The following RPS6KA3 variants were observed in gnomAD, a reference collection of about 807,000 sequenced individuals.
The protein encoded by RPS6KA3 is ribosomal protein S6 kinase alpha-3.
A neutral mutation model predicts 67.2 loss-of-function variants in RPS6KA3; 4 were observed. That is an observed-to-expected ratio of 0.06 (90% CI 0.03 to 0.14). RPS6KA3 has a LOEUF of 0.14. Ranked by LOEUF, RPS6KA3 falls within the 10% of genes least tolerant of loss-of-function variation. The pLI is 1.00. For missense variants in RPS6KA3, 204 were observed against 559.0 expected, an observed-to-expected ratio of 0.36 and a Z score of 6.40; for synonymous variants, 182 against 183.7, an observed-to-expected ratio of 0.99 and a Z score of 0.07.
chrX:20,205,110 C>T (rs370355976), intron 3 of RPS6KA3, among the ~76,000 whole-genome samples: 2 of 112,126 alleles, frequency 1.8e-5, no homozygotes, highest in South Asian at 3.7e-4. Flanking sequence ...CAAATATTTG[C>T]GCAAAATGAA....
intron 3 of RPS6KA3, among the ~76,000 whole-genome samples, chrX:20,205,929 T>C (rs2068563667): frequency 8.9e-6 from 1 of 112,582 alleles, no homozygotes; most frequent in African/African-American, 3.2e-5. Context: ...GTGTCAATTT[T>C]GGGAGGCAGA....
Position 20,256,172 on chromosome X carries a change from C to CAAAAAAAAAAAAA in RPS6KA3, c.69+10379_69+10391dup, listed in dbSNP as rs35947983. Among the ~76,000 whole-genome samples, 117 of 14,442 alleles carry CAAAAAAAAAAAAA rather than the reference C, an allele frequency of 8.1e-3. 5 individuals are homozygous for CAAAAAAAAAAAAA. Among genetic ancestry groups the CAAAAAAAAAAAAA allele is most frequent in the African/African-American group, 0.013 (56 of 4,297 alleles). 12.5% of individuals were successfully genotyped at this position (14,442 alleles called of 115,157 possible). ...TGGGTGACAGAGTGAGACACCGTCT[C>CAAAAAAAAAAAAA]AAAAAAAAAAAAAAAAAAAAAAAAA... On this transcript the variant is annotated intron_variant, in intron 1 of 21. Transcript: ENST00000379565.
intron 2 of RPS6KA3, among the ~76,000 whole-genome samples, chrX:20,228,493 A>C (rs1393225961): frequency 9.0e-6 from 1 of 111,533 alleles, no homozygotes; most frequent in Non-Finnish European, 1.9e-5. Flanking sequence ...TTTCCAGCCC[A>C]GTGCCTTACC....
chrX:20,256,172 C>CAAAAAAAAAAAAAAAAAAAAAAA (rs35947983), intron 1 of RPS6KA3, among the ~76,000 whole-genome samples: 1 of 14,465 alleles, frequency 6.9e-5, no homozygotes, highest in Non-Finnish European at 1.2e-4. Flanking sequence ...GACACCGTCT[C>CAAAAAAAAAAAAAAAAAAAAAAA]AAAAAAAAAA....
intron 1 of RPS6KA3, among the ~76,000 whole-genome samples, chrX:20,261,670 GAC>G (rs1295496064): frequency 1.8e-5 from 2 of 112,090 alleles, no homozygotes; most frequent in African/African-American, 6.5e-5. Context: ...TACACACACA[GAC>G]ACACACACAT....
intron 4 of RPS6KA3, among the ~76,000 whole-genome samples, chrX:20,202,432 T>C (rs764716513): frequency 8.9e-6 from 1 of 111,881 alleles, no homozygotes; most frequent in African/African-American, 3.3e-5. Context: ...TCTATGCCTG[T>C]ATTACTCCCC....
chrX:20,244,333 A>C (rs1215056652), intron 1 of RPS6KA3, among the ~76,000 whole-genome samples: 1 of 112,026 alleles, frequency 8.9e-6, no homozygotes, highest in African/African-American at 3.2e-5. Flanking sequence ...TAAAGGCAGG[A>C]ATTACACAGG....
chrX:20,157,492 A>T lies in RPS6KA3; in HGVS notation c.1960-1243T>A, dbSNP rs1314504361. Reference sequence around the variant, plus strand: ...ACTCTAGTCTGGGCAACAGAGCGAGACCCTGTCTCAAAAAAAAAAAAAAAA... The same window carrying T: ...ACTCTAGTCTGGGCAACAGAGCGAGTCCCTGTCTCAAAAAAAAAAAAAAAA... On this transcript the variant is annotated intron_variant, in intron 20 of 21. Transcript: ENST00000379565. Among the ~76,000 whole-genome samples the T allele has an allele frequency of 3.3e-5, 3 of 90,743 alleles. No individual in the cohort carries two copies. In the East Asian group the frequency reaches 9.4e-4, roughly 29 times the overall value. The allele number at this position is 90,743 out of a possible 115,157, so 78.8% of individuals were successfully genotyped here. A position where few individuals can be genotyped will look rare whatever the true frequency, so the allele number is the denominator to read the frequency against.
At chrX:20,242,806 A>C (rs1212086135) in intron 1 of RPS6KA3, among the ~76,000 whole-genome samples, 1 of 111,119 alleles carries the variant, frequency 9.0e-6, no homozygotes, top group African/African-American at 3.3e-5. Context: ...TATAAATGCA[A>C]ATGTTTATCG....
chrX:20,203,887 G>A, intron 4 of RPS6KA3, 135 bp downstream of exon 4: 1 of 538,239 alleles, frequency 1.9e-6, no homozygotes, highest in Non-Finnish European at 3.3e-6. Flanking sequence ...TTCACTAAAA[G>A]TCAGCCTAAA....
At chrX:20,180,451 C>G (rs983960758) in intron 10 of RPS6KA3, among the ~76,000 whole-genome samples, 1 of 112,312 alleles carries the variant, frequency 8.9e-6, no homozygotes, top group African/African-American at 3.2e-5. Context: ...ACCATGGTAA[C>G]AAGAGAACCA....
rs907105618 is a variant in RPS6KA3, at chrX:20,150,297, A to AT, written c.*5100dup. On this transcript the variant is annotated 3_prime_UTR_variant, in exon 22 of 22. Coordinates refer to ENST00000379565, the MANE Select transcript of RPS6KA3 (RefSeq NM_004586.3). ...ATATAACAGTAGAAAAATATTTGTG[A>AT]TTTTTTTCTTTTTTAAAAACTATTT... is the stretch of plus-strand genomic sequence containing the variant. 1 of 112,695 alleles carries AT rather than the reference A, an allele frequency of 8.9e-6. No individual in the cohort carries two copies. Among genetic ancestry groups the AT allele is most frequent in the Non-Finnish European group, 1.9e-5 (1 of 53,209 alleles). 9.3% of individuals were successfully genotyped at this position (112,695 alleles called of 1,213,427 possible). A position where few individuals can be genotyped will look rare whatever the true frequency, so the allele number is the denominator to read the frequency against.
In RPS6KA3 at chrX:20,201,191, A is replaced by G. The variant is rs1355734785; in HGVS notation, c.325+2831T>C. Among the ~76,000 whole-genome samples, 3 of 111,722 alleles carry G rather than the reference A, an allele frequency of 2.7e-5. No homozygotes were observed. The East Asian group carries it at 8.3e-4, about 31-fold the overall frequency. The stretch of plus-strand genomic sequence containing the variant: ...CACTCTGTCACCCAGGCTGGAGTAC[A>G]GTGGTGTGATCACAGCTCACTGCAA... On this transcript the variant is annotated intron_variant, in intron 4 of 21. Transcript: ENST00000379565.
In RPS6KA3 at chrX:20,266,882, C is replaced by T; in HGVS notation, c.-250G>A. ...GCGCTGAGCGAGAGCCTCGCGCCTC[C>T]GCTGGGCACCGGGTCTCGCCCCTTT... On this transcript the variant is annotated 5_prime_UTR_variant, in exon 1 of 22. Transcript: ENST00000379565. 1 of 519,788 alleles carries T rather than the reference C, an allele frequency of 1.9e-6. No individual in the cohort carries two copies. The highest frequency in any genetic ancestry group is 2.4e-6 in the Non-Finnish European group (1 of 424,360). 42.8% of individuals were successfully genotyped at this position (519,788 alleles called of 1,213,427 possible).
At chrX:20,198,952 A>G (rs747249482) in intron 4 of RPS6KA3, among the ~76,000 whole-genome samples, 137 of 110,545 alleles carry the variant, frequency 1.2e-3, no homozygotes, top group African/African-American at 4.4e-3. Context: ...ACTCACTGCA[A>G]CCTCCGCCTC....
intron 15 of RPS6KA3, among the ~76,000 whole-genome samples, chrX:20,170,721 C>A (rs2067551745): frequency 1.8e-5 from 2 of 110,239 alleles, no homozygotes; most frequent in African/African-American, 6.6e-5. Context: ...AAGTGATCCT[C>A]CCACCTCTAC....
intron 4 of RPS6KA3, among the ~76,000 whole-genome samples, chrX:20,203,000 GAC>G (rs1243205407): frequency 2.7e-5 from 3 of 111,925 alleles, no homozygotes; most frequent in Non-Finnish European, 5.6e-5. Flanking sequence ...GGAAGCAAAC[GAC>G]AGTGTTTACA....
intron 1 of RPS6KA3, among the ~76,000 whole-genome samples, chrX:20,254,076 C>T (rs2069963775): frequency 8.9e-6 from 1 of 111,958 alleles, no homozygotes; most frequent in African/African-American, 3.3e-5. Flanking sequence ...ATTATACCAA[C>T]AGCCAGCAGG....
chrX:20,190,309 A>G (rs1355857086), intron 7 of RPS6KA3, among the ~76,000 whole-genome samples: 1 of 112,226 alleles, frequency 8.9e-6, no homozygotes, highest in Non-Finnish European at 1.9e-5. Context: ...TTAACAGTTC[A>G]TAAAATATTT....
Sources: gnomAD v4.1 joint callset for allele counts (sites outside exome capture counted in the v4.1 genomes callset) on GRCh38, gnomAD v4.1.1 for gene constraint, MANE v1.5 for transcripts, NCBI Gene and HGNC (gene_info 2026-07-23, HGNC 2026-07-21) for gene names.